The following PCDHGB2 variants were observed in gnomAD, a reference collection of about 807,000 sequenced individuals.
PCDHGB2 encodes protocadherin gamma-B2.
A neutral mutation model predicts 59.3 loss-of-function variants in PCDHGB2; 55 were observed. That is an observed-to-expected ratio of 0.93 (90% CI 0.75 to 1.16). PCDHGB2 has a LOEUF of 1.16. PCDHGB2 is among the 50% of genes most tolerant of loss of function. The pLI is 0.00. For synonymous variants in PCDHGB2, 516 were observed against 512.0 expected (o/e 1.01, Z -0.11); for missense variants, 1,228 against 1,198.5 (o/e 1.02, Z -0.36).
In PCDHGB2 at chr5:141,487,128, G is replaced by T. The variant is rs565927415; in HGVS notation, c.2422-7679G>T. On this transcript the variant is annotated intron_variant, in intron 1 of 3. Transcript: ENST00000522605. This position sits in a 1 kb window ranked among gnomAD's most constrained non-coding sequence, Gnocchi z 5.0. ...GTCATTGTGGTAAAGGATAGTGGTA[G>T]TCCACCACTCTCTACCTCTGTTACT... The T allele has an allele frequency of 6.3e-5, 102 of 1,614,086 alleles. No individual in the cohort carries two copies. The South Asian group carries it at 7.7e-4, about 12-fold the overall frequency.
intron 1 of PCDHGB2, among the ~76,000 whole-genome samples, chr5:141,438,587 CATACATATAT>C (rs1422309749): frequency 6.8e-5 from 5 of 73,430 alleles, no homozygotes; most frequent in South Asian, 5.1e-4. Context: ...TACATACATA[CATACATATAT>C]ATATATATAT....
chr5:141,464,773 C>G (rs576769467), intron 1 of PCDHGB2, among the ~76,000 whole-genome samples: 79 of 152,106 alleles, frequency 5.2e-4, no homozygotes, highest in African/African-American at 1.9e-3. Context: ...GAATCTTGTT[C>G]TGTTGCCCAG....
chr5:141,374,289 G>A, intron 1 of PCDHGB2: 1 of 1,614,016 alleles, frequency 6.2e-7, no homozygotes. Context: ...ATCGTCTCCA[G>A]AGGTAGGATG....
At chr5:141,419,555 G>A (rs1411289369) in intron 1 of PCDHGB2, 3 of 1,611,876 alleles carry the variant, frequency 1.9e-6, no homozygotes, top group South Asian at 1.1e-5. Context: ...GCTGTACCCT[G>A]CGCTGGGTCC....
At position 141,361,736 on chromosome 5, in the gene PCDHGB2, C is replaced by T. The variant is rs1267225660; in HGVS notation, c.1601C>T (p.Ala534Val). 1 of 1,613,182 alleles carries T rather than the reference C, an allele frequency of 6.2e-7. No individual in the cohort carries two copies. Among genetic ancestry groups the T allele is most frequent in the Non-Finnish European group, 8.5e-7 (1 of 1,179,776 alleles). ...QLRAFELTLQ[A>V]RDQGSPALSA... ...CGCGCCTTCGAGCTCACACTGCAGG[C>T]CCGCGACCAGGGCTCGCCCGCGCTC... The change falls in exon 1 of 4, where the codon GCC becomes GTC. Residue 534 changes from alanine to valine, a missense_variant. By Grantham distance (64) the Ala-to-Val change is moderately conservative. Around this residue, in one of 3 missense-constraint regions of PCDHGB2, gnomAD observed 781 missense variants for 721.6 expected, o/e 1.08. Transcript: ENST00000522605.
chr5:141,499,725 C>T (rs554409998), intron 2 of PCDHGB2, among the ~76,000 whole-genome samples: 3 of 138,474 alleles, frequency 2.2e-5, no homozygotes, highest in African/African-American at 5.4e-5. Context: ...GACAGAGTCT[C>T]ACTCTCTTGC....
chr5:141,505,596 T>G (rs2099846990), intron 3 of PCDHGB2, 115 bp downstream of exon 3: 1 of 1,562,168 alleles, frequency 6.4e-7, no homozygotes, highest in African/African-American at 1.4e-5. Context: ...CTCCAGATCT[T>G]TCGGCAGGTC....
At chr5:141,423,102 C>A (rs778561065) in intron 1 of PCDHGB2, 2 of 1,613,802 alleles carry the variant, frequency 1.2e-6, no homozygotes, top group Non-Finnish European at 1.7e-6. Flanking sequence ...AGCACACGGG[C>A]GAGGTGCGTA....
chr5:141,393,220 A>G (rs2092705422), intron 1 of PCDHGB2: 15 of 1,613,684 alleles, frequency 9.3e-6, no homozygotes, highest in Non-Finnish European at 1.3e-5. Context: ...TTCCAGGTCG[A>G]AGATCTAGAA....
At chr5:141,416,406 T>A (rs2096021956) in intron 1 of PCDHGB2, 1 of 152,224 alleles carries the variant, frequency 6.6e-6, no homozygotes, top group Admixed American at 6.5e-5. Context: ...TTGTCTTTTT[T>A]GTTAAATTTT....
At chr5:141,414,342 C>A in intron 1 of PCDHGB2, 2 of 1,613,810 alleles carry the variant, frequency 1.2e-6, no homozygotes, top group East Asian at 2.2e-5. Flanking sequence ...TAACCTGTTC[C>A]ATTTTGGCGT....
intron 1 of PCDHGB2, among the ~76,000 whole-genome samples, chr5:141,433,805 C>T (rs1325364387): frequency 1.3e-5 from 2 of 150,004 alleles, no homozygotes; most frequent in South Asian, 4.2e-4. Flanking sequence ...CCATTGCACT[C>T]CAGCCTGGGC....
chr5:141,410,553 C>T, intron 1 of PCDHGB2: 1 of 1,613,232 alleles, frequency 6.2e-7, no homozygotes. Context: ...TGCAGTGTTT[C>T]TCCTGGAGCC....
At chr5:141,366,170 C>T in intron 1 of PCDHGB2, 1 of 1,614,082 alleles carries the variant, frequency 6.2e-7, no homozygotes, top group Non-Finnish European at 8.5e-7. Flanking sequence ...GGCCAGCGAG[C>T]CAGGACTCTT....
rs377367120 is a variant in PCDHGB2, at chr5:141,431,614, C to A, written c.2422-63193C>A. On this transcript the variant is annotated intron_variant, in intron 1 of 3. Transcript: ENST00000522605. The surrounding 1 kb of genome is among the most constrained non-coding windows in gnomAD (Gnocchi z 4.8). ...TGAGGTATTCCTTCCGGTATGTGGA[C>A]GACAAGGCGGCCCAAGTTTTCAAAC... The A allele has an allele frequency of 8.7e-6, 14 of 1,614,206 alleles. No individual in the cohort carries two copies. In the African/African-American group the frequency reaches 1.6e-4, roughly 18 times the overall value.
intron 1 of PCDHGB2, among the ~76,000 whole-genome samples, chr5:141,437,026 A>G (rs1398960659): frequency 6.6e-6 from 1 of 152,258 alleles, no homozygotes; most frequent in Non-Finnish European, 1.5e-5. Context: ...TCACCAGAAA[A>G]TGGATCACCG....
rs754711722 is a variant in PCDHGB2, at chr5:141,371,108, C to A, written c.2421+8552C>A. Reference sequence around the variant, plus strand: ...TAATTGTCGCAGATGCAAATGATAACCCCCCAGTATTTACTCAGGACATGT... The same window carrying A: ...TAATTGTCGCAGATGCAAATGATAAACCCCCAGTATTTACTCAGGACATGT... On this transcript the variant is annotated intron_variant, in intron 1 of 3. Coordinates refer to ENST00000522605, the MANE Select transcript of PCDHGB2 (RefSeq NM_018923.3). 12 of 1,613,642 alleles carry A rather than the reference C, an allele frequency of 7.4e-6. No individual in the cohort carries two copies. In the African/African-American group the frequency reaches 1.5e-4, roughly 20 times the overall value.
chr5:141,364,578 G>C, intron 1 of PCDHGB2: 1 of 1,614,212 alleles, frequency 6.2e-7, no homozygotes, highest in Non-Finnish European at 8.5e-7. Flanking sequence ...CGAAGCGGCA[G>C]CTTGGTCACC....
chr5:141,419,137 CA>C (rs1561778370), intron 1 of PCDHGB2: 1 of 1,613,892 alleles, frequency 6.2e-7, no homozygotes, highest in African/African-American at 1.3e-5. Flanking sequence ...CAGCCACAGA[CA>C]GGGGCAAGCC....
Sources: gnomAD v4.1 joint callset for allele counts (sites outside exome capture counted in the v4.1 genomes callset) on GRCh38, gnomAD v4.1.1 for gene constraint, gnomAD v4.1.1 regional missense constraint, Gnocchi (gnomAD v3.1) non-coding constraint, MANE v1.5 for transcripts, NCBI Gene and HGNC (gene_info 2026-07-23, HGNC 2026-07-21) for gene names.